Variants in SLC24A3 observed in about 807,000 individuals in gnomAD.
The protein encoded by SLC24A3 is sodium/potassium/calcium exchanger 3.
In SLC24A3, 28 loss-of-function variants were observed where a neutral mutation model predicts 75.8. The ratio of observed to expected loss-of-function variants is 0.37; its 90% CI spans 0.27 to 0.51. SLC24A3 has a LOEUF of 0.51. Ranked by LOEUF, SLC24A3 falls within the 20% of genes least tolerant of loss-of-function variation. SLC24A3 has a pLI of 0.94. For synonymous variants in SLC24A3, 372 were observed against 334.1 expected, an observed-to-expected ratio of 1.11 and a Z score of -1.24; for missense variants, 663 against 847.8, an observed-to-expected ratio of 0.78 and a Z score of 2.71.
intron 9 of SLC24A3, among the ~76,000 whole-genome samples, chr20:19,678,156 C>G (rs1354828096): frequency 7.9e-5 from 12 of 151,020 alleles, no homozygotes; most frequent in Non-Finnish European, 1.8e-4. Flanking sequence ...TTTTCCCCAC[C>G]TTTCCCCCCT....
intron 2 of SLC24A3, among the ~76,000 whole-genome samples, chr20:19,417,097 G>A (rs755562309): frequency 1.3e-5 from 2 of 152,156 alleles, no homozygotes; most frequent in Non-Finnish European, 2.9e-5. Flanking sequence ...GCCGATGGCA[G>A]GGGAAATGTT....
chr20:19,431,128 T>C (rs1987094389), intron 2 of SLC24A3, among the ~76,000 whole-genome samples: 1 of 151,702 alleles, frequency 6.6e-6, no homozygotes, highest in Admixed American at 6.6e-5. Context: ...GAAGGGAGTG[T>C]TGATGAGCAC....
intron 3 of SLC24A3, among the ~76,000 whole-genome samples, chr20:19,573,227 C>T (rs986639850): frequency 2.0e-5 from 3 of 152,184 alleles, no homozygotes; most frequent in Non-Finnish European, 4.4e-5. Context: ...ATTCAGAAGC[C>T]CTTATGTGGA....
At chr20:19,606,081 T>C (rs1316682581) in intron 6 of SLC24A3, among the ~76,000 whole-genome samples, 4 of 152,250 alleles carry the variant, frequency 2.6e-5, no homozygotes, top group Admixed American at 2.0e-4. Context: ...TTGGCCAAAC[T>C]GCCAGTTTCC....
intron 3 of SLC24A3, among the ~76,000 whole-genome samples, chr20:19,546,146 G>A (rs373486758): frequency 4.2e-3 from 290 of 68,584 alleles, no homozygotes; most frequent in East Asian, 0.013. Context: ...GCGACAGAGC[G>A]AGACTCCGTC....
intron 2 of SLC24A3, among the ~76,000 whole-genome samples, chr20:19,515,283 G>C (rs775489699): frequency 3.3e-5 from 5 of 152,204 alleles, no homozygotes; most frequent in Non-Finnish European, 7.3e-5. Context: ...CCGAGCCCCA[G>C]GTTCTGCTAA....
chr20:19,262,576 C>T (rs1983027945), intron 1 of SLC24A3, among the ~76,000 whole-genome samples: 1 of 152,078 alleles, frequency 6.6e-6, no homozygotes. Context: ...AAGGAGATGC[C>T]ATATGCTGAT....
At chr20:19,514,422 ATGG>A (rs2029943420) in intron 2 of SLC24A3, among the ~76,000 whole-genome samples, 1 of 152,152 alleles carries the variant, frequency 6.6e-6, no homozygotes, top group Non-Finnish European at 1.5e-5. Context: ...TCCCCATCAA[ATGG>A]TGGTGGTTTC....
chr20:19,521,734 T>G (rs1031411962), intron 3 of SLC24A3, among the ~76,000 whole-genome samples: 2 of 152,162 alleles, frequency 1.3e-5, no homozygotes, highest in South Asian at 4.1e-4. Context: ...ATTATTTCCC[T>G]GGGTGCACTC....
chr20:19,478,880 C>G (rs898610451), intron 2 of SLC24A3, among the ~76,000 whole-genome samples: 2 of 152,232 alleles, frequency 1.3e-5, no homozygotes, highest in African/African-American at 2.4e-5. Context: ...GGCAGTCACC[C>G]CAGTGTCAAT....
chr20:19,454,058 A>C (rs1987537783), intron 2 of SLC24A3, among the ~76,000 whole-genome samples: 2 of 152,120 alleles, frequency 1.3e-5, no homozygotes, highest in Admixed American at 1.3e-4. Context: ...GCCTAGAGAT[A>C]CTCCCATCTC....
At chr20:19,637,161 C>A (rs1039398879) in intron 6 of SLC24A3, among the ~76,000 whole-genome samples, 2 of 152,202 alleles carry the variant, frequency 1.3e-5, no homozygotes, top group Admixed American at 1.3e-4. Context: ...ATTAGCCAGA[C>A]ATGGCGGTGC....
chr20:19,407,350 G>A (rs1986665887), intron 2 of SLC24A3, among the ~76,000 whole-genome samples: 1 of 152,210 alleles, frequency 6.6e-6, no homozygotes, highest in Admixed American at 6.5e-5. Flanking sequence ...GTGTCCCGGT[G>A]CTGTGTCCTC....
chr20:19,603,585 C>T (rs545488560), intron 6 of SLC24A3, among the ~76,000 whole-genome samples: 1 of 152,292 alleles, frequency 6.6e-6, no homozygotes, highest in African/African-American at 2.4e-5. Flanking sequence ...GTTGTCAAAC[C>T]ACTTGGCAGT....
intron 1 of SLC24A3, chr20:19,213,398 A>C: frequency 6.5e-6 from 1 of 153,144 alleles, no homozygotes; most frequent in Admixed American, 6.5e-5. Context: ...GAAGGATTCA[A>C]GGGGACTGCT....
chr20:19,225,753 T>C (rs1001631416), intron 1 of SLC24A3, among the ~76,000 whole-genome samples: 2 of 152,204 alleles, frequency 1.3e-5, no homozygotes, highest in Non-Finnish European at 2.9e-5. Flanking sequence ...CTAAGTTGTT[T>C]TGCACATCAG....
At position 19,696,874 on chromosome 20, in the gene SLC24A3, G is replaced by A. The variant is rs772626461; in HGVS notation, c.1569G>A (p.Val523=). The stretch of plus-strand genomic sequence containing the variant: ...CCTTCCTGGCTGCTGGGACCAGCGT[G>A]CCTGACTGCATGGCCAGCCTCATTG... ...GITFLAAGTS[V]PDCMASLIVA... Residue 523 remains valine, a synonymous_variant, in exon 14 of 17, where the codon GTG becomes GTA. Transcript: ENST00000328041. 6.2e-7 allele frequency: 1 copy of A among 1,611,922 alleles called. No individual in the cohort carries two copies. Among genetic ancestry groups the A allele is most frequent in the East Asian group, 2.2e-5 (1 of 44,692 alleles).
chr20:19,524,864 A>T (rs543546255), intron 3 of SLC24A3, among the ~76,000 whole-genome samples: 2 of 152,306 alleles, frequency 1.3e-5, no homozygotes, highest in Admixed American at 1.3e-4. Flanking sequence ...ATTTGGAATG[A>T]TCATATGTCA....
At chr20:19,397,525 C>T (rs1986474774) in intron 2 of SLC24A3, among the ~76,000 whole-genome samples, 1 of 152,008 alleles carries the variant, frequency 6.6e-6, no homozygotes, top group South Asian at 2.1e-4. Context: ...GGATAACAGA[C>T]ATTTGTTGTC....
Sources: gnomAD v4.1 joint callset for allele counts (sites outside exome capture counted in the v4.1 genomes callset) on GRCh38, gnomAD v4.1.1 for gene constraint, MANE v1.5 for transcripts, NCBI Gene and HGNC (gene_info 2026-07-23, HGNC 2026-07-21) for gene names.